The following UNC13A variants were observed in gnomAD, a reference collection of about 807,000 sequenced individuals.
The protein encoded by UNC13A is unc-13 homolog A.
In UNC13A, 61 loss-of-function variants were observed where a neutral mutation model predicts 219.7. The ratio of observed to expected loss-of-function variants is 0.28; its 90% CI spans 0.23 to 0.34. The LOEUF is 0.34. Among genes scored for constraint, UNC13A ranks in the 10% least tolerant of loss-of-function variants. UNC13A has a pLI of 1.00. For missense variants in UNC13A, 1,476 were observed against 2,270.3 expected, an observed-to-expected ratio of 0.65 and a Z score of 7.11; for synonymous variants, 920 against 884.6, an observed-to-expected ratio of 1.04 and a Z score of -0.71.
intron 25 of UNC13A, 40 bp downstream of exon 25, chr19:17,639,043 T>C (rs2076940255): frequency 5.8e-6 from 9 of 1,540,166 alleles, no homozygotes; most frequent in Admixed American, 2.0e-5. Context: ...CTGTGTCTAG[T>C]TGGCATCACT....
chr19:17,637,255 G>A (rs556159210), intron 25 of UNC13A, among the ~76,000 whole-genome samples: 47 of 151,380 alleles, frequency 3.1e-4, no homozygotes, highest in Admixed American at 9.9e-4. Context: ...CATTACAGGT[G>A]TGAGCCACTG....
chr19:17,643,754 A>C (rs1171622628), intron 19 of UNC13A, among the ~76,000 whole-genome samples: 2 of 152,028 alleles, frequency 1.3e-5, no homozygotes, highest in African/African-American at 2.4e-5. Context: ...TTCTTCACTC[A>C]GATTAAGTTC....
chr19:17,639,294 G>C (rs1164584415), intron 24 of UNC13A, 77 bp from the exon 25 acceptor site: 16 of 1,598,336 alleles, frequency 1.0e-5, no homozygotes, highest in Non-Finnish European at 9.4e-6. Context: ...AGTCATTTTG[G>C]GTTTAAGGAA....
chr19:17,620,697 G>A lies in UNC13A; in HGVS notation c.4268C>T (p.Ser1423Leu), dbSNP rs2076720226. The A allele has an allele frequency of 6.2e-7, 1 of 1,613,016 alleles. No individual in the cohort carries two copies. The highest frequency in any genetic ancestry group is 1.3e-5 in the African/African-American group (1 of 75,020). ...ACAGTGAGAGGCCGGTCTTACGTCTGAGTGGCTTGGCAATTTCACCCTGCC... is the reference window on the plus strand; with the variant it reads ...ACAGTGAGAGGCCGGTCTTACGTCTAAGTGGCTTGGCAATTTCACCCTGCC... The part of the protein sequence containing the change: ...EKGRVKLPSH[S>L]DGTQMIFNAA... Residue 1423 changes from serine (S) to leucine (L), a missense_variant, in exon 38 of 44, where the codon TCA (serine) becomes TTA (leucine). Ser to Leu is a moderately radical substitution (Grantham distance 145, BLOSUM62 -2). Around this residue, in one of 14 missense-constraint regions of UNC13A, gnomAD observed 75 missense variants for 100.2 expected, o/e 0.75. Coordinates refer to ENST00000519716, the MANE Select transcript of UNC13A (RefSeq NM_001080421.3).
rs370626106 is a variant in UNC13A at position 17,672,368 on chromosome 19, C to G, written c.270+10G>C. The G allele has an allele frequency of 1.9e-6, 3 of 1,612,454 alleles. No homozygotes were observed. The highest frequency in any genetic ancestry group is 3.3e-5 in the Admixed American group (2 of 59,898). On this transcript the variant is annotated intron_variant, in intron 4 of 43. Coordinates refer to ENST00000519716, the MANE Select transcript of UNC13A (RefSeq NM_001080421.3). ...CCTCCTTCTTCACCCTCAGGCCACC[C>G]GCCACTCACCTCATTGGACTGGCGG...
chr19:17,641,680 T>C, intron 20 of UNC13A, 124 bp from the exon 21 acceptor site: 1 of 1,013,526 alleles, frequency 9.9e-7, no homozygotes, highest in Non-Finnish European at 1.4e-6. Context: ...ATTCATCTAC[T>C]CTTTTATCCA....
At chr19:17,620,112 C>A (rs1223656854) in intron 38 of UNC13A, among the ~76,000 whole-genome samples, 1 of 152,122 alleles carries the variant, frequency 6.6e-6, no homozygotes, top group Non-Finnish European at 1.5e-5. Flanking sequence ...CAGGCTTGTC[C>A]CTGAATGCTC....
Position 17,633,136 on chromosome 19 carries a change from A to G in UNC13A, c.3273T>C (p.Phe1091=). ...CCATGGCGTACTTCATGTCTTGGGC[A>G]AACAGATTCCACATCACTTCAGCGC... ...KISAEVMWNL[F]AQDMKYAMEE... The change falls in exon 27 of 44, where the codon TTT becomes TTC. Residue 1091 remains phenylalanine (F), a synonymous_variant. Coordinates refer to ENST00000519716, the MANE Select transcript of UNC13A (RefSeq NM_001080421.3). 4 of 1,614,166 alleles carry G rather than the reference A, an allele frequency of 2.5e-6. No individual in the cohort carries two copies. Among genetic ancestry groups the G allele is most frequent in the Non-Finnish European group, 3.4e-6 (4 of 1,180,012 alleles).
intron 41 of UNC13A, among the ~76,000 whole-genome samples, chr19:17,613,543 T>C (rs941491234): frequency 2.0e-5 from 3 of 151,878 alleles, no homozygotes; most frequent in Non-Finnish European, 4.4e-5. Flanking sequence ...CTCTCCCCAC[T>C]CACCCCATTC....
Position 17,639,482 on chromosome 19 carries a change from T to G in UNC13A, c.2900A>C (p.Lys967Thr), listed in dbSNP as rs1846553200. The change falls in exon 24 of 44, where the codon AAA becomes ACA. Residue 967 changes from lysine (K) to threonine (T), a missense_variant. By Grantham distance (78) the Lys-to-Thr change is moderately conservative. Coordinates refer to ENST00000519716, the MANE Select transcript of UNC13A (RefSeq NM_001080421.3). ...ASSPERLQDL[K>T]STVDLLTSIT... ...GCTGGTGAGAAGGTCCACAGTGGAT[T>G]TGAGGTCCTGGAGTCTCTCCGGGCT... 6.2e-7 allele frequency: 1 copy of G among 1,613,492 alleles called. No individual in the cohort carries two copies. Among genetic ancestry groups the G allele is most frequent in the Non-Finnish European group, 8.5e-7 (1 of 1,179,854 alleles).
chr19:17,623,489 G>C, intron 36 of UNC13A, 53 bp downstream of exon 36: 1 of 1,494,960 alleles, frequency 6.7e-7, no homozygotes, highest in Non-Finnish European at 8.9e-7. Context: ...GGTGGGCCGA[G>C]TCCAGACACA....
At chr19:17,669,490 A>G in intron 5 of UNC13A, 63 bp downstream of exon 5, 1 of 1,582,502 alleles carries the variant, frequency 6.3e-7, no homozygotes, top group Admixed American at 1.7e-5. Flanking sequence ...CTCTCCTGGA[A>G]TAGCTGAGTG....
At position 17,649,326 on chromosome 19, in the gene UNC13A, C is replaced by G; in HGVS notation, c.1524+13G>C. 6.3e-7 allele frequency: 1 copy of G among 1,580,198 alleles called. No individual in the cohort carries two copies. The highest frequency in any genetic ancestry group is 1.3e-5 in the African/African-American group (1 of 74,524). On this transcript the variant is annotated intron_variant, in intron 14 of 43. Coordinates refer to ENST00000519716, the MANE Select transcript of UNC13A (RefSeq NM_001080421.3). This position sits in a 1 kb window ranked among gnomAD's most constrained non-coding sequence, Gnocchi z 4.4. ...GGAGAAGATCCCAAGAGGCCCATGT[C>G]GCCATCACTCACCATGGCCTGAAGT... is the stretch of plus-strand genomic sequence containing the variant.
chr19:17,614,894 CA>C (rs990903312), intron 41 of UNC13A, among the ~76,000 whole-genome samples: 1 of 152,162 alleles, frequency 6.6e-6, no homozygotes, highest in African/African-American at 2.4e-5. Flanking sequence ...CCGGGGGTGC[CA>C]GGGGGAATTG....
intron 1 of UNC13A, 41 bp from the exon 2 acceptor site, chr19:17,676,082 G>C: frequency 1.9e-6 from 3 of 1,547,788 alleles, no homozygotes; most frequent in Non-Finnish European, 2.6e-6. Flanking sequence ...GGTGGGGAGA[G>C]ATGTGGGGAG....
At chr19:17,660,335 T>A (rs915478838) in intron 8 of UNC13A, among the ~76,000 whole-genome samples, 1 of 151,964 alleles carries the variant, frequency 6.6e-6, no homozygotes, top group Non-Finnish European at 1.5e-5. Flanking sequence ...TTACTTTGAG[T>A]TGGATTCTTT....
At chr19:17,655,144 T>G (rs551465337) in intron 11 of UNC13A, 130 bp downstream of exon 11, 1 of 768,148 alleles carries the variant, frequency 1.3e-6, no homozygotes, top group Non-Finnish European at 2.2e-6. Flanking sequence ...ATGCCCAGGC[T>G]AGGCTTGGGT....
intron 25 of UNC13A, among the ~76,000 whole-genome samples, chr19:17,637,594 G>A (rs1172484884): frequency 4.6e-5 from 7 of 152,236 alleles, no homozygotes; most frequent in African/African-American, 1.7e-4. Flanking sequence ...CACTGTGCCT[G>A]GCCGTCAAGA....
chr19:17,672,009 T>C lies in UNC13A; in HGVS notation c.270+369A>G, dbSNP rs150731547. On this transcript the variant is annotated intron_variant, in intron 4 of 43. Transcript: ENST00000519716. ...CAGCCCAGGACTACATTTTCCAGCC[T>C]AGGACTACATTTCCCAGAATCCCTT... 1.9e-3 allele frequency among the ~76,000 whole-genome samples: 289 copies of C among 152,228 alleles called. 2 individuals carry two copies. Among genetic ancestry groups the C allele is most frequent in the African/African-American group, 6.5e-3 (270 of 41,530 alleles).
Sources: allele counts gnomAD v4.1 joint callset (sites outside exome capture counted in the v4.1 genomes callset), GRCh38; gene constraint gnomAD v4.1.1; regional missense constraint gnomAD v4.1.1; non-coding constraint Gnocchi (gnomAD v3.1); transcripts MANE v1.5; gene names NCBI Gene and HGNC (gene_info 2026-07-23, HGNC 2026-07-21).